TNRC18: variants seen among roughly 807,000 people sequenced by gnomAD.
TNRC18 encodes trinucleotide repeat-containing gene 18 protein.
A neutral mutation model predicts 226.7 loss-of-function variants in TNRC18; 69 were observed. The observed-to-expected ratio is 0.30, with a 90% CI of 0.25 to 0.37. The LOEUF (loss-of-function observed/expected upper bound fraction) is 0.37, where lower values mean the gene tolerates loss of function less well. TNRC18 is among the 10% of genes least tolerant of loss of function. The pLI, the probability that TNRC18 is intolerant of heterozygous loss-of-function variation, is 1.00. For missense variants in TNRC18, 4,754 were observed against 4,256.6 expected (o/e 1.12, Z -3.25); for synonymous variants, 2,449 against 1,927.6 (o/e 1.27, Z -7.09).
chr7:5,344,748 G>C (rs1156893884), intron 18 of TNRC18, among the ~76,000 whole-genome samples: 1 of 152,198 alleles, frequency 6.6e-6, no homozygotes, highest in Admixed American at 6.5e-5. Flanking sequence ...CTGAACACAT[G>C]CATGACCATC....
At position 5,307,287 on chromosome 7, in the gene TNRC18, A is replaced by G. The variant is rs908865466; in HGVS notation, c.*819T>C. On this transcript the variant is annotated 3_prime_UTR_variant, in exon 30 of 30. Transcript: ENST00000430969. Reference sequence around the variant, plus strand: ...TATTTATATATATTTATCTTTATATATATAATTAAAAAGTTGACTCCATTT... The same window carrying G: ...TATTTATATATATTTATCTTTATATGTATAATTAAAAAGTTGACTCCATTT... 6.6e-6 allele frequency: 1 copy of G among 150,430 alleles called. No individual in the cohort carries two copies. The highest frequency in any genetic ancestry group is 1.5e-5 in the Non-Finnish European group (1 of 67,680). 9.3% of individuals were successfully genotyped at this position (150,430 alleles called of 1,614,324 possible).
At chr7:5,327,097 T>G (rs1788995241) in intron 19 of TNRC18, among the ~76,000 whole-genome samples, 1 of 152,214 alleles carries the variant, frequency 6.6e-6, no homozygotes, top group Admixed American at 6.5e-5. Context: ...CACTCCAGCC[T>G]GGGCGACAGA....
intron 2 of TNRC18, among the ~76,000 whole-genome samples, chr7:5,403,213 T>C (rs111385200): frequency 0.018 from 2,783 of 150,966 alleles, 96 homozygotes; most frequent in African/African-American, 0.065. Flanking sequence ...CAGGCTGGAG[T>C]GCAATGGCGT....
intron 18 of TNRC18, among the ~76,000 whole-genome samples, chr7:5,333,850 C>T (rs1789814646): frequency 6.6e-6 from 1 of 152,244 alleles, no homozygotes; most frequent in African/African-American, 2.4e-5. Flanking sequence ...TCTGTTGTCA[C>T]AGGCAATGCC....
rs1202782314 is a variant in TNRC18, at chr7:5,421,097, C to T, written c.150G>A (p.Gly50=). Residue 50 remains glycine, a synonymous_variant, in exon 2 of 30, where the codon GGG becomes GGA. Coordinates refer to ENST00000430969, the MANE Select transcript of TNRC18 (RefSeq NM_001080495.3). ...GGAGATTCAGGCCGGCCATGTACTTCCCGGGCGGCAGCGGGCCGGGCAAGC... is the reference window on the plus strand; with the variant it reads ...GGAGATTCAGGCCGGCCATGTACTTTCCGGGCGGCAGCGGGCCGGGCAAGC... The part of the protein sequence containing the change: ...ASGLPGPLPP[G]KYMAGLNLHP... The T allele has an allele frequency of 1.1e-5, 17 of 1,479,986 alleles. No homozygotes were observed. The South Asian group carries it at 2.3e-4, about 20-fold the overall frequency. The allele number at this position is 1,479,986 out of a possible 1,614,324, so 91.7% of individuals were successfully genotyped here.
chr7:5,325,070 C>T (rs1218621910), intron 20 of TNRC18, 26 bp downstream of exon 20: 14 of 1,549,050 alleles, frequency 9.0e-6, no homozygotes, highest in Non-Finnish European at 1.2e-5. Flanking sequence ...CCCCACAGCC[C>T]CCAACCAGGG....
intron 2 of TNRC18, among the ~76,000 whole-genome samples, chr7:5,409,983 T>G (rs1309109448): frequency 6.9e-6 from 1 of 144,862 alleles, no homozygotes; most frequent in Non-Finnish European, 1.5e-5. Context: ...AGAGCAAGAC[T>G]ACGTCTCAAA....
At chr7:5,331,273 A>G (rs746036790) in intron 19 of TNRC18, among the ~76,000 whole-genome samples, 9 of 152,182 alleles carry the variant, frequency 5.9e-5, no homozygotes, top group Non-Finnish European at 1.0e-4. Context: ...GTCTGAACGC[A>G]TCCAAATAGG....
At chr7:5,421,720 G>C (rs1225885618) in intron 1 of TNRC18, among the ~76,000 whole-genome samples, 3 of 152,310 alleles carry the variant, frequency 2.0e-5, no homozygotes, top group East Asian at 3.9e-4. Context: ...AAAAGTGACC[G>C]GCGGCGGTGG....
At chr7:5,366,901 G>A (rs1330465600) in intron 11 of TNRC18, among the ~76,000 whole-genome samples, 2 of 152,190 alleles carry the variant, frequency 1.3e-5, no homozygotes, top group African/African-American at 4.8e-5. Flanking sequence ...GTGACCTCTA[G>A]GCCAGTGGTG....
At chr7:5,330,512 T>G (rs531214116) in intron 19 of TNRC18, among the ~76,000 whole-genome samples, 1 of 152,060 alleles carries the variant, frequency 6.6e-6, no homozygotes, top group South Asian at 2.1e-4. Context: ...GTGCTGGGAT[T>G]GCAGGCGTGA....
chr7:5,375,524 G>A (rs929314017), intron 9 of TNRC18, among the ~76,000 whole-genome samples: 1 of 152,168 alleles, frequency 6.6e-6, no homozygotes, highest in South Asian at 2.1e-4. Flanking sequence ...TTCAGACCCA[G>A]GGCTCAGGCT....
intron 16 of TNRC18, among the ~76,000 whole-genome samples, chr7:5,354,691 C>A (rs565199060): frequency 6.6e-6 from 1 of 152,068 alleles, no homozygotes; most frequent in South Asian, 2.1e-4. Flanking sequence ...TTAACTCACA[C>A]CCACAGGGAG....
rs1249562021 is a variant in TNRC18, at chr7:5,388,033, C to A, written c.1791G>T (p.Arg597=). Reference sequence around the variant, plus strand: ...CACCAGGGCGCACGGCCACGGCGTCCCGGGCAAAGCTGCCACTGTACTTTA... The same window carrying A: ...CACCAGGGCGCACGGCCACGGCGTCACGGGCAAAGCTGCCACTGTACTTTA... ...SLIKYSGSFA[R]DAVAVRPGGC... Residue 597 remains arginine, a synonymous_variant, in exon 5 of 30, where the codon CGG becomes CGT. Transcript: ENST00000430969. 1 of 1,564,958 alleles carries A rather than the reference C, an allele frequency of 6.4e-7. No individual in the cohort carries two copies. Among genetic ancestry groups the A allele is most frequent in the Admixed American group, 1.9e-5 (1 of 52,586 alleles).
chr7:5,394,373 G>T lies in TNRC18; in HGVS notation c.343+67C>A. 2 of 1,411,956 alleles carry T rather than the reference G, an allele frequency of 1.4e-6. No homozygotes were observed. Among genetic ancestry groups the T allele is most frequent in the Non-Finnish European group, 1.9e-6 (2 of 1,066,938 alleles). The allele number at this position is 1,411,956 out of a possible 1,614,324, so 87.5% of individuals were successfully genotyped here. The stretch of plus-strand genomic sequence containing the variant: ...CAGCGATGACAACAGAGGGGCACAT[G>T]AAGTGGCCAGAGTGGCTGGGACGTC... On this transcript the variant is annotated intron_variant, in intron 3 of 29. Coordinates refer to ENST00000430969, the MANE Select transcript of TNRC18 (RefSeq NM_001080495.3). The surrounding 1 kb of genome is among the most constrained non-coding windows in gnomAD (Gnocchi z 4.5).
At chr7:5,363,568 C>A (rs1254086312) in intron 11 of TNRC18, among the ~76,000 whole-genome samples, 1 of 152,134 alleles carries the variant, frequency 6.6e-6, no homozygotes. Context: ...GGCGCCACTG[C>A]ACTCCAGCCT....
rs577310468 is a variant in TNRC18 at position 5,387,550 on chromosome 7, T to G, written c.2152+122A>C. 8 of 1,396,684 alleles carry G rather than the reference T, an allele frequency of 5.7e-6. No individual in the cohort carries two copies. The Admixed American group carries it at 6.9e-5, about 12-fold the overall frequency. The allele number at this position is 1,396,684 out of a possible 1,614,324, so 86.5% of individuals were successfully genotyped here. A position where few individuals can be genotyped will look rare whatever the true frequency, so the allele number is the denominator to read the frequency against. On this transcript the variant is annotated intron_variant, in intron 5 of 29. Coordinates refer to ENST00000430969, the MANE Select transcript of TNRC18 (RefSeq NM_001080495.3). ...TCGCAACAGAACATTCAAGACCATT[T>G]TAAAAAATGATACTTATAAAGACTT... is the stretch of plus-strand genomic sequence containing the variant.
At chr7:5,314,713 C>T (rs1182588769) in intron 26 of TNRC18, among the ~76,000 whole-genome samples, 3 of 152,030 alleles carry the variant, frequency 2.0e-5, no homozygotes, top group African/African-American at 2.4e-5. Context: ...GTTGGGATTA[C>T]AGGCACTCAC....
At chr7:5,359,306 C>T (rs1219016526) in intron 15 of TNRC18, 92 bp downstream of exon 15, 2 of 1,347,448 alleles carry the variant, frequency 1.5e-6, no homozygotes, top group African/African-American at 2.9e-5. Flanking sequence ...TGTACAGGAA[C>T]AAAGGGCCTG....
Sources: allele counts gnomAD v4.1 joint callset (sites outside exome capture counted in the v4.1 genomes callset), GRCh38; gene constraint gnomAD v4.1.1; non-coding constraint Gnocchi (gnomAD v3.1); transcripts MANE v1.5; gene names NCBI Gene and HGNC (gene_info 2026-07-23, HGNC 2026-07-21).